Variants in SBNO2 observed in about 807,000 individuals in gnomAD.
The protein encoded by SBNO2 is strawberry notch homolog 2.
Under a neutral mutation model 146.3 loss-of-function variants are expected in SBNO2, and 89 were observed. That is an observed-to-expected ratio of 0.61 (90% CI 0.51 to 0.73). SBNO2 has a LOEUF of 0.73. Among genes scored for constraint, SBNO2 ranks in the 30% least tolerant of loss-of-function variants. The pLI is 0.00. For missense variants in SBNO2, 2,092 were observed against 2,003.7 expected, an observed-to-expected ratio of 1.04 and a Z score of -0.84; for synonymous variants, 1,147 against 892.6, an observed-to-expected ratio of 1.29 and a Z score of -5.08.
In SBNO2 at chr19:1,158,372, G is replaced by A. The variant is rs2080312291; in HGVS notation, c.-126-3970C>T. Among the ~76,000 whole-genome samples, 1 of 152,172 alleles carries A rather than the reference G, an allele frequency of 6.6e-6. No individual in the cohort carries two copies. On this transcript the variant is annotated intron_variant, in intron 1 of 31. Coordinates refer to ENST00000361757, the MANE Select transcript of SBNO2 (RefSeq NM_014963.3). The surrounding 1 kb of genome is among the most constrained non-coding windows in gnomAD (Gnocchi z 9.9). ...TCGGATGTGGACACGGAGGCCCCTA[G>A]GTGGAGCCTTGACGTGACCCCCAGA...
Position 1,109,038 on chromosome 19 carries a change from A to G in SBNO2, c.3426-69T>C. The G allele has an allele frequency of 1.3e-6, 2 of 1,498,802 alleles. No homozygotes were observed. Among genetic ancestry groups the G allele is most frequent in the Middle Eastern group, 4.6e-4 (2 of 4,328 alleles). 92.8% of individuals were successfully genotyped at this position (1,498,802 alleles called of 1,614,324 possible). ...GCCCGCAGGCTCCCCAGGTGCCCTG[A>G]GATCTCCCGCCTCCTCTCAGGGTCT... On this transcript the variant is annotated intron_variant, in intron 30 of 31. Transcript: ENST00000361757. The surrounding 1 kb of genome is among the most constrained non-coding windows in gnomAD (Gnocchi z 4.2).
chr19:1,122,607 G>A lies in SBNO2; in HGVS notation c.915-49C>T, dbSNP rs779938290. The A allele has an allele frequency of 3.1e-4, 65 of 211,162 alleles. 2 individuals carry two copies. Among genetic ancestry groups the A allele is most frequent in the South Asian group, 1.0e-3 (16 of 15,750 alleles). 13.1% of individuals were successfully genotyped at this position (211,162 alleles called of 1,614,324 possible). ...CGCCCACCCTTCCCCCTCGCCCCCC[G>A]CTTCCGCCCCCCACCCCCGCTCCCG... On this transcript the variant is annotated intron_variant, in intron 9 of 31. Transcript: ENST00000361757.
chr19:1,108,513 G>A lies in SBNO2; in HGVS notation c.3808C>T (p.Pro1270Ser). The A allele has an allele frequency of 1.6e-6, 2 of 1,218,636 alleles. No homozygotes were observed. The highest frequency in any genetic ancestry group is 2.0e-6 in the Non-Finnish European group (2 of 976,830). The allele number at this position is 1,218,636 out of a possible 1,614,324, so 75.5% of individuals were successfully genotyped here. A position where few individuals can be genotyped will look rare whatever the true frequency, so the allele number is the denominator to read the frequency against. The part of the protein sequence containing the change: ...TYSPPAEAFP[P>S]PPHFSFPAPL... Reference sequence around the variant, plus strand: ...GCCGGGAAAGAGAAGTGCGGGGGCGGCGGGAAGGCCTCGGCCGGGGGGCTG... The same window carrying A: ...GCCGGGAAAGAGAAGTGCGGGGGCGACGGGAAGGCCTCGGCCGGGGGGCTG... Residue 1270 changes from proline (P) to serine (S), a missense_variant, in exon 32 of 32, where the codon CCG becomes TCG. Physicochemically the swap from Pro to Ser is moderately conservative, Grantham distance 74. Coordinates refer to ENST00000361757, the MANE Select transcript of SBNO2 (RefSeq NM_014963.3).
chr19:1,109,620 G>A lies in SBNO2; in HGVS notation c.3124-22C>T, dbSNP rs1292833420. ...TGATCTGCCACGGCACGGGGTGGGG[G>A]GGTGTGAGTGTGGTGGGGGCGGGGT... On this transcript the variant is annotated intron_variant, in intron 27 of 31. Transcript: ENST00000361757. This position sits in a 1 kb window ranked among gnomAD's most constrained non-coding sequence, Gnocchi z 4.2. 1.3e-6 allele frequency: 2 copies of A among 1,567,084 alleles called. No homozygotes were observed. The highest frequency in any genetic ancestry group is 4.7e-5 in the East Asian group (2 of 42,916).
intron 1 of SBNO2, among the ~76,000 whole-genome samples, chr19:1,167,259 G>C (rs1030328122): frequency 1.9e-4 from 29 of 152,262 alleles, no homozygotes; most frequent in African/African-American, 6.8e-4. Context: ...AGGTTCGCCA[G>C]TGCGGCCTGA....
intron 1 of SBNO2, among the ~76,000 whole-genome samples, chr19:1,171,531 T>C (rs555179074): frequency 2.2e-4 from 34 of 152,212 alleles, no homozygotes; most frequent in African/African-American, 7.9e-4. Context: ...CCAGAGCTGA[T>C]CCCACCCCCC....
At chr19:1,168,940 G>A (rs1038717516) in intron 1 of SBNO2, 3 of 152,408 alleles carry the variant, frequency 2.0e-5, no homozygotes, top group South Asian at 2.1e-4. Flanking sequence ...CAGGAAACGC[G>A]AGTGAGCCGC....
chr19:1,108,512 G>A lies in SBNO2; in HGVS notation c.3809C>T (p.Pro1270Leu), dbSNP rs1399183967. ...CGCCGGGAAAGAGAAGTGCGGGGGCGGCGGGAAGGCCTCGGCCGGGGGGCT... is the reference window on the plus strand; with the variant it reads ...CGCCGGGAAAGAGAAGTGCGGGGGCAGCGGGAAGGCCTCGGCCGGGGGGCT... ...TYSPPAEAFP[P>L]PPHFSFPAPL... Residue 1270 changes from proline (P) to leucine (L), a missense_variant, in exon 32 of 32, where the codon CCG becomes CTG. Transcript: ENST00000361757. 6 of 1,218,570 alleles carry A rather than the reference G, an allele frequency of 4.9e-6. No homozygotes were observed. The highest frequency in any genetic ancestry group is 3.2e-5 in the African/African-American group (2 of 61,738). 75.5% of individuals were successfully genotyped at this position (1,218,570 alleles called of 1,614,324 possible).
intron 4 of SBNO2, among the ~76,000 whole-genome samples, chr19:1,142,290 C>T (rs1476386237): frequency 1.7e-4 from 2 of 11,934 alleles, no homozygotes; most frequent in African/African-American, 3.5e-4. Flanking sequence ...CAATCTGCCC[C>T]TCAGTGGCCT....
Position 1,169,183 on chromosome 19 carries a change from A to G in SBNO2, c.-127+4989T>C, listed in dbSNP as rs547644913. ...AGGGCCCAGCACTCCCATGCCCTGCACTGCACGAGGCTGCCCGGGACAGTG... is the reference window on the plus strand; with the variant it reads ...AGGGCCCAGCACTCCCATGCCCTGCGCTGCACGAGGCTGCCCGGGACAGTG... On this transcript the variant is annotated intron_variant, in intron 1 of 31. Coordinates refer to ENST00000361757, the MANE Select transcript of SBNO2 (RefSeq NM_014963.3). 6.6e-5 allele frequency: 10 copies of G among 152,406 alleles called. 2 individuals are homozygous for G. The East Asian group carries it at 1.4e-3, about 21-fold the overall frequency. The allele number at this position is 152,406 out of a possible 1,614,324, so 9.4% of individuals were successfully genotyped here. A position where few individuals can be genotyped will look rare whatever the true frequency, so the allele number is the denominator to read the frequency against.
At chr19:1,131,175 GC>G (rs1196891841) in intron 4 of SBNO2, among the ~76,000 whole-genome samples, 1 of 152,110 alleles carries the variant, frequency 6.6e-6, no homozygotes, top group Non-Finnish European at 1.5e-5. Flanking sequence ...GCCGGCCCAG[GC>G]TCCTGCATCC....
At chr19:1,116,224 C>A (rs2079830570) in intron 16 of SBNO2, 121 bp from the exon 17 acceptor site, 3 of 816,016 alleles carry the variant, frequency 3.7e-6, no homozygotes, top group Non-Finnish European at 5.7e-6. Context: ...CGGGCCTGGG[C>A]AGAGGGTCTC....
rs187413204 is a variant in SBNO2, at chr19:1,111,828, C to T, written c.2700+168G>A. ...ACCCCTGGATGCCACCTCCCTGAGC[C>T]CCTAGAAGCCCCCTTCCCCCCTGGG... On this transcript the variant is annotated intron_variant, in intron 23 of 31. Transcript: ENST00000361757. 5.3e-3 allele frequency among the ~76,000 whole-genome samples: 807 copies of T among 151,436 alleles called. 12 individuals are homozygous for T. The highest frequency in any genetic ancestry group is 0.053 in the East Asian group (270 of 5,118).
At chr19:1,145,884 C>T (rs1026936296) in intron 4 of SBNO2, among the ~76,000 whole-genome samples, 1 of 152,166 alleles carries the variant, frequency 6.6e-6, no homozygotes, top group African/African-American at 2.4e-5. Context: ...CCCCTGAACA[C>T]AGCTGGTAGG....
chr19:1,168,916 G>A (rs1020989651), intron 1 of SBNO2: 9 of 152,234 alleles, frequency 5.9e-5, no homozygotes, highest in African/African-American at 2.2e-4. Context: ...GGAGCCCACA[G>A]CGGCAGAGAC....
At chr19:1,135,609 C>T (rs963049705) in intron 4 of SBNO2, among the ~76,000 whole-genome samples, 2 of 152,356 alleles carry the variant, frequency 1.3e-5, no homozygotes, top group East Asian at 1.9e-4. Flanking sequence ...GTGGCCCGGT[C>T]TCTCCCTCCG....
intron 4 of SBNO2, among the ~76,000 whole-genome samples, chr19:1,141,765 G>T (rs976851440): frequency 6.6e-6 from 1 of 152,046 alleles, no homozygotes; most frequent in Non-Finnish European, 1.5e-5. Flanking sequence ...GGGACTACAG[G>T]CTTGCACCAC....
At chr19:1,135,348 C>G (rs563855935) in intron 4 of SBNO2, among the ~76,000 whole-genome samples, 46 of 152,320 alleles carry the variant, frequency 3.0e-4, no homozygotes, top group African/African-American at 1.1e-3. Flanking sequence ...GGCAACAGAG[C>G]AAAATACTGT....
At position 1,150,371 on chromosome 19, in the gene SBNO2, G is replaced by A. The variant is rs111624152; in HGVS notation, c.94-929C>T. 2.6e-5 allele frequency among the ~76,000 whole-genome samples: 4 copies of A among 152,182 alleles called. No homozygotes were observed. Among genetic ancestry groups the A allele is most frequent in the African/African-American group, 9.6e-5 (4 of 41,532 alleles). ...GGACACCTCGTGCCCTGCAGAATGG[G>A]CACCCCTCAGCAGGGCCCCCACCTG... On this transcript the variant is annotated intron_variant, in intron 2 of 31. Coordinates refer to ENST00000361757, the MANE Select transcript of SBNO2 (RefSeq NM_014963.3). The surrounding 1 kb of genome is among the most constrained non-coding windows in gnomAD (Gnocchi z 6.2).
Sources: gnomAD v4.1 joint callset for allele counts (sites outside exome capture counted in the v4.1 genomes callset) on GRCh38, gnomAD v4.1.1 for gene constraint, Gnocchi (gnomAD v3.1) non-coding constraint, MANE v1.5 for transcripts, NCBI Gene and HGNC (gene_info 2026-07-23, HGNC 2026-07-21) for gene names.